The following SLC8A1 variants were observed in gnomAD, a reference collection of about 807,000 sequenced individuals.
SLC8A1 encodes sodium/calcium exchanger 1.
SLC8A1 carries 18 observed loss-of-function variants against 68.3 expected under a neutral mutation model. The observed-to-expected ratio is 0.26, with a 90% CI of 0.18 to 0.39. SLC8A1 has a LOEUF of 0.39. Among genes scored for constraint, SLC8A1 ranks in the 10% least tolerant of loss-of-function variants. The probability of loss-of-function intolerance (pLI) is 1.00; values close to 1 mark genes in which losing one functional copy is unlikely to be tolerated. For synonymous variants in SLC8A1, 475 were observed against 415.5 expected, an observed-to-expected ratio of 1.14 and a Z score of -1.74; for missense variants, 985 against 1,156.7, an observed-to-expected ratio of 0.85 and a Z score of 2.15.
chr2:40,382,816 G>A (rs951771961), intron 2 of SLC8A1, among the ~76,000 whole-genome samples: 1 of 152,028 alleles, frequency 6.6e-6, no homozygotes, highest in Non-Finnish European at 1.5e-5. Context: ...AAAATAGAAT[G>A]TCTATTTTAA....
At chr2:40,502,438 AAT>A (rs1283877272) in intron 1 of SLC8A1, among the ~76,000 whole-genome samples, 1 of 152,050 alleles carries the variant, frequency 6.6e-6, no homozygotes, top group Non-Finnish European at 1.5e-5. Context: ...TGTACACCAA[AAT>A]ATAGTGTTTG....
chr2:40,417,547 C>T (rs929395759), intron 2 of SLC8A1, among the ~76,000 whole-genome samples: 1 of 152,080 alleles, frequency 6.6e-6, no homozygotes, highest in Non-Finnish European at 1.5e-5. Context: ...CTCGCTCTGT[C>T]ACCCAGGCTG....
chr2:40,430,672 G>T (rs59804250), intron 1 of SLC8A1, among the ~76,000 whole-genome samples: 145 of 152,238 alleles, frequency 9.5e-4, no homozygotes, highest in Middle Eastern at 3.4e-3. Flanking sequence ...AAAATCACAG[G>T]ACTTTTGAAG....
At chr2:40,263,259 T>G (rs2064938910) in intron 2 of SLC8A1, among the ~76,000 whole-genome samples, 1 of 152,212 alleles carries the variant, frequency 6.6e-6, no homozygotes, top group Admixed American at 6.5e-5. Context: ...GTAGAGTTGT[T>G]GTGAATACAA....
At chr2:40,100,879 T>C (rs1259817748) in exon 8 of SLC8A1, 1 of 152,142 alleles carries the variant, frequency 6.6e-6, no homozygotes, top group Non-Finnish European at 1.5e-5. Flanking sequence ...CTGACAAGTT[T>C]GGTTTCTCCT....
intron 2 of SLC8A1, among the ~76,000 whole-genome samples, chr2:40,369,847 A>C (rs1677462543): frequency 6.6e-6 from 1 of 150,542 alleles, no homozygotes; most frequent in Admixed American, 6.7e-5. Flanking sequence ...ATTTCCTATG[A>C]CCACTGCTGG....
At chr2:40,493,041 A>C (rs1434066976) in intron 1 of SLC8A1, among the ~76,000 whole-genome samples, 1 of 152,160 alleles carries the variant, frequency 6.6e-6, no homozygotes, top group Non-Finnish European at 1.5e-5. Flanking sequence ...AAGACACATG[A>C]ACACTCATGT....
At chr2:40,219,175 T>A (rs2057946919) in intron 2 of SLC8A1, among the ~76,000 whole-genome samples, 1 of 152,102 alleles carries the variant, frequency 6.6e-6, no homozygotes, top group African/African-American at 2.4e-5. Context: ...CGGAGTTGGG[T>A]CATGGAGATT....
chr2:40,156,360 G>GTTTTTTTTTTTTT (rs71404280), intron 6 of SLC8A1, among the ~76,000 whole-genome samples: 6 of 140,778 alleles, frequency 4.3e-5, no homozygotes, highest in South Asian at 2.3e-4. Context: ...AACTGCTGGA[G>GTTTTTTTTTTTTT]TTTTTTTTTT....
exon 8 of SLC8A1, chr2:40,107,408 A>G (rs1181542119): frequency 6.6e-6 from 1 of 151,754 alleles, no homozygotes; most frequent in African/African-American, 2.4e-5. Context: ...GACCTTGACC[A>G]GCATATTTTT....
intron 2 of SLC8A1, among the ~76,000 whole-genome samples, chr2:40,248,112 G>GAGTA (rs2062141698): frequency 6.6e-6 from 1 of 152,120 alleles, no homozygotes; most frequent in Non-Finnish European, 1.5e-5. Context: ...GCACTCCATG[G>GAGTA]AGTAAGTACC....
intron 4 of SLC8A1, among the ~76,000 whole-genome samples, chr2:40,173,218 ATAGAAT>A (rs1410099718): frequency 1.3e-5 from 2 of 152,174 alleles, no homozygotes; most frequent in Non-Finnish European, 2.9e-5. Context: ...TCCTTGGGTG[ATAGAAT>A]TAGAGTGTTT....
chr2:40,262,585 G>A (rs537160347), intron 2 of SLC8A1, among the ~76,000 whole-genome samples: 223 of 152,246 alleles, frequency 1.5e-3, no homozygotes, highest in Non-Finnish European at 2.8e-3. Flanking sequence ...CACTAACTCT[G>A]TATTTTTATA....
intron 2 of SLC8A1, among the ~76,000 whole-genome samples, chr2:40,272,738 G>C (rs935557685): frequency 1.3e-5 from 2 of 152,194 alleles, no homozygotes; most frequent in Admixed American, 6.5e-5. Context: ...CGCTGTTCTT[G>C]CAATTCTATG....
chr2:40,160,762 C>T lies in SLC8A1; in HGVS notation c.2161+3G>A, dbSNP rs1177388736. The T allele has an allele frequency of 1.9e-6, 3 of 1,612,010 alleles. No individual in the cohort carries two copies. The highest frequency in any genetic ancestry group is 2.5e-6 in the Non-Finnish European group (3 of 1,178,372). On this transcript the variant is annotated splice_donor_region_variant and intron_variant, in intron 6 of 7. Coordinates refer to ENST00000406785, the Ensembl canonical transcript of SLC8A1. ...TTTATAATATGCAGAGAAAGGCACT[C>T]ACCAGCACTGACAGTGATAGCTTCA... is the stretch of plus-strand genomic sequence containing the variant.
At chr2:40,386,825 C>T (rs1683713023) in intron 2 of SLC8A1, among the ~76,000 whole-genome samples, 2 of 150,982 alleles carry the variant, frequency 1.3e-5, no homozygotes, top group African/African-American at 4.9e-5. Context: ...AGTTTTGCCC[C>T]TTGACATAAA....
At chr2:40,160,225 G>T (rs2045426220) in intron 6 of SLC8A1, among the ~76,000 whole-genome samples, 1 of 152,092 alleles carries the variant, frequency 6.6e-6, no homozygotes, top group Non-Finnish European at 1.5e-5. Flanking sequence ...CATTTTGTAG[G>T]AACTTCCTAA....
intron 7 of SLC8A1, among the ~76,000 whole-genome samples, chr2:40,128,709 T>C (rs2038686819): frequency 6.6e-6 from 1 of 152,112 alleles, no homozygotes; most frequent in African/African-American, 2.4e-5. Context: ...GGGGGCAGGG[T>C]AGTGGAATTG....
chr2:40,177,222 G>T (rs576349732), intron 3 of SLC8A1, among the ~76,000 whole-genome samples: 2 of 152,092 alleles, frequency 1.3e-5, no homozygotes, highest in Non-Finnish European at 2.9e-5. Context: ...ACTCTTTAAG[G>T]ATCTTTGTTC....
Sources: allele counts gnomAD v4.1 joint callset (sites outside exome capture counted in the v4.1 genomes callset), GRCh38; gene constraint gnomAD v4.1.1; transcripts MANE v1.5; gene names NCBI Gene and HGNC (gene_info 2026-07-23, HGNC 2026-07-21).